Variants in IMPG2 observed in about 807,000 individuals in gnomAD.
The protein encoded by IMPG2 is IPM 200.
IMPG2 carries 91 observed loss-of-function variants against 129.2 expected under a neutral mutation model. The observed-to-expected ratio is 0.70, with a 90% CI of 0.59 to 0.84. The LOEUF is 0.84. IMPG2 is among the 40% of genes least tolerant of loss of function. The pLI is 0.00. For missense variants in IMPG2, 1,430 were observed against 1,461.7 expected, an observed-to-expected ratio of 0.98 and a Z score of 0.35; for synonymous variants, 510 against 517.7, an observed-to-expected ratio of 0.99 and a Z score of 0.20.
Position 101,243,921 on chromosome 3 carries a change from T to A in IMPG2, c.2410A>T (p.Ser804Cys). 6.2e-7 allele frequency: 1 copy of A among 1,614,210 alleles called. No homozygotes were observed. The highest frequency in any genetic ancestry group is 8.5e-7 in the Non-Finnish European group (1 of 1,180,026). The change falls in exon 13 of 19, where the codon AGT becomes TGT. Residue 804 changes from serine (S) to cysteine (C), a missense_variant. Physicochemically the swap from Ser to Cys is moderately radical, Grantham distance 112. Transcript: ENST00000193391. ...ACAGATAACCAGAGCCTGTCAGCAC[T>A]CTGTGGTGTACTTGCCAATATGTCT... ...SRDILASTPQSADRLWLSVTQ... is the reference protein window; with the variant it reads ...SRDILASTPQCADRLWLSVTQ...
intron 18 of IMPG2, 46 bp from the exon 19 acceptor site, chr3:101,227,027 A>G (rs1403585317): frequency 1.3e-6 from 2 of 1,592,036 alleles, no homozygotes; most frequent in South Asian, 1.1e-5. Context: ...AAAAGCAAGA[A>G]TGTAATAAAA....
chr3:101,267,439 G>A, intron 9 of IMPG2, 72 bp downstream of exon 9: 1 of 1,247,716 alleles, frequency 8.0e-7, no homozygotes, highest in Non-Finnish European at 1.2e-6. Flanking sequence ...TGCTCCCCTG[G>A]ACCTACGGCC....
Position 101,273,643 on chromosome 3 carries a change from C to T in IMPG2, c.766G>A (p.Glu256Lys), listed in dbSNP as rs1706810816. 4 of 1,614,072 alleles carry T rather than the reference C, an allele frequency of 2.5e-6. No individual in the cohort carries two copies. The East Asian group carries it at 6.7e-5, about 27-fold the overall frequency. The part of the protein sequence containing the change: ...SIHLLGKQYR[E>K]ELQDSSSFHH... ...AAGCTGGAGGAATCCTGTAGTTCTT[C>T]CCTGTACTGCTTCCCCAAAAGGTGG... The change falls in exon 7 of 19, where the codon GAA becomes AAA. Residue 256 changes from glutamate (E) to lysine (K), a missense_variant. Physicochemically the swap from Glu to Lys is moderately conservative, Grantham distance 56. Transcript: ENST00000193391.
chr3:101,297,680 T>C (rs1463027281), intron 3 of IMPG2, among the ~76,000 whole-genome samples: 1 of 152,242 alleles, frequency 6.6e-6, no homozygotes, highest in African/African-American at 2.4e-5. Context: ...CAGGAGCAGG[T>C]TGTTCAATTT....
At chr3:101,270,666 G>T (rs1476982494) in intron 7 of IMPG2, among the ~76,000 whole-genome samples, 2 of 152,086 alleles carry the variant, frequency 1.3e-5, no homozygotes, top group Non-Finnish European at 2.9e-5. Context: ...CAGGCGTGGT[G>T]GTGGGCGCCT....
Position 101,253,787 on chromosome 3 carries a change from G to A in IMPG2, c.1154-6C>T, listed in dbSNP as rs1706569903. On this transcript the variant is annotated splice_region_variant and splice_polypyrimidine_tract_variant and intron_variant, in intron 10 of 18. Transcript: ENST00000193391. ...GTGACGCAAAACTCCTCTCACTGAG[G>A]AAAGAACAATATTAAAGAACATTTT... 6.2e-7 allele frequency: 1 copy of A among 1,600,806 alleles called. No individual in the cohort carries two copies. The highest frequency in any genetic ancestry group is 8.5e-7 in the Non-Finnish European group (1 of 1,170,566).
chr3:101,275,074 A>C (rs1559651063), intron 6 of IMPG2, among the ~76,000 whole-genome samples: 1 of 152,070 alleles, frequency 6.6e-6, no homozygotes, highest in African/African-American at 2.4e-5. Flanking sequence ...AAAAAAAAAA[A>C]AACAGGATTT....
At chr3:101,311,277 A>G (rs1329124753) in intron 2 of IMPG2, among the ~76,000 whole-genome samples, 1 of 152,142 alleles carries the variant, frequency 6.6e-6, no homozygotes, top group Non-Finnish European at 1.5e-5. Flanking sequence ...GTAAAACTAC[A>G]TCTGTCTACA....
chr3:101,233,099 T>A (rs1706308242), intron 14 of IMPG2, 108 bp from the exon 15 acceptor site: 1 of 934,556 alleles, frequency 1.1e-6, no homozygotes, highest in Non-Finnish European at 1.7e-6. Context: ...ACAACTCCTT[T>A]CCAGAACCAT....
At chr3:101,315,862 C>A (rs535400553) in intron 2 of IMPG2, among the ~76,000 whole-genome samples, 108 of 151,648 alleles carry the variant, frequency 7.1e-4, no homozygotes, top group African/African-American at 2.3e-3. Context: ...GGTTGGAGGA[C>A]TTGACTATCT....
chr3:101,245,141 T>C (rs894087323), intron 12 of IMPG2, among the ~76,000 whole-genome samples: 3 of 152,156 alleles, frequency 2.0e-5, no homozygotes, highest in Non-Finnish European at 4.4e-5. Flanking sequence ...CCCTGAACAT[T>C]GTGTTTCTCT....
chr3:101,228,048 G>A (rs1307267020), intron 18 of IMPG2, among the ~76,000 whole-genome samples: 1 of 152,214 alleles, frequency 6.6e-6, no homozygotes, highest in Non-Finnish European at 1.5e-5. Flanking sequence ...GAAGGCAACA[G>A]TAGGACCAAA....
intron 10 of IMPG2, among the ~76,000 whole-genome samples, chr3:101,255,985 C>G (rs1706594511): frequency 6.8e-6 from 1 of 147,918 alleles, no homozygotes; most frequent in Non-Finnish European, 1.5e-5. Context: ...CAGAGTGTCA[C>G]ATTAAAAAAA....
intron 4 of IMPG2, among the ~76,000 whole-genome samples, chr3:101,290,764 G>A (rs1706998595): frequency 6.6e-6 from 1 of 152,060 alleles, no homozygotes; most frequent in African/African-American, 2.4e-5. Flanking sequence ...TTGGATCTCT[G>A]TACACTGACT....
chr3:101,259,917 T>C (rs1576754725), intron 9 of IMPG2, among the ~76,000 whole-genome samples: 1 of 152,156 alleles, frequency 6.6e-6, no homozygotes, highest in African/African-American at 2.4e-5. Context: ...AAAGAATGCA[T>C]GAGCCAGTCA....
chr3:101,312,303 A>G (rs904453482), intron 2 of IMPG2, among the ~76,000 whole-genome samples: 3 of 152,118 alleles, frequency 2.0e-5, no homozygotes, highest in African/African-American at 7.2e-5. Context: ...TATAGCCAGA[A>G]TAAATAAATT....
Position 101,226,084 on chromosome 3 carries a change from T to C in IMPG2, c.*885A>G, listed in dbSNP as rs1489653000. 1 of 154,362 alleles carries C rather than the reference T, an allele frequency of 6.5e-6. No homozygotes were observed. Among genetic ancestry groups the C allele is most frequent in the Non-Finnish European group, 1.5e-5 (1 of 68,170 alleles). 9.6% of individuals were successfully genotyped at this position (154,362 alleles called of 1,614,324 possible). A position where few individuals can be genotyped will look rare whatever the true frequency, so the allele number is the denominator to read the frequency against. On this transcript the variant is annotated 3_prime_UTR_variant, in exon 19 of 19. Coordinates refer to ENST00000193391, the MANE Select transcript of IMPG2 (RefSeq NM_016247.4). The stretch of plus-strand genomic sequence containing the variant: ...AGGATTTGCCCAAGACATCTTTAGA[T>C]TTCAGAAGCAATCAGGGAACCTCAG...
Position 101,244,347 on chromosome 3 carries a change from T to G in IMPG2, c.1984A>C (p.Ser662Arg), listed in dbSNP as rs772764177. ...VDKMDSTDQI[S>R]KHSKYEHDDR... ...TCATGTTCATATTTTGAGTGCTTACTAATTTGGTCTGTGGAATCCATTTTG... is the reference window on the plus strand; with the variant it reads ...TCATGTTCATATTTTGAGTGCTTACGAATTTGGTCTGTGGAATCCATTTTG... Residue 662 changes from serine to arginine, a missense_variant, in exon 13 of 19, where the codon AGT (serine) becomes CGT (arginine). Transcript: ENST00000193391. The G allele has an allele frequency of 3.7e-6, 6 of 1,613,974 alleles. No homozygotes were observed. In the East Asian group the frequency reaches 1.3e-4, roughly 36 times the overall value.
At chr3:101,257,021 G>A (rs575954613) in intron 10 of IMPG2, among the ~76,000 whole-genome samples, 46 of 152,102 alleles carry the variant, frequency 3.0e-4, no homozygotes, top group South Asian at 1.5e-3. Context: ...ATCATAACAG[G>A]ATCTCCACAG....
Sources: allele counts gnomAD v4.1 joint callset (sites outside exome capture counted in the v4.1 genomes callset), GRCh38; gene constraint gnomAD v4.1.1; transcripts MANE v1.5; gene names NCBI Gene and HGNC (gene_info 2026-07-23, HGNC 2026-07-21).